Variants in ADTRP observed in about 807,000 individuals in gnomAD.
ADTRP encodes androgen dependent TFPI regulating protein.
A neutral mutation model predicts 27.0 loss-of-function variants in ADTRP; 20 were observed. That is an observed-to-expected ratio of 0.74 (90% CI 0.52 to 1.08). ADTRP has a LOEUF of 1.08. ADTRP is among the 50% of genes least tolerant of loss of function. The pLI is 0.00. For missense variants in ADTRP, 251 were observed against 275.0 expected (o/e 0.91, Z 0.62); for synonymous variants, 101 against 105.2 (o/e 0.96, Z 0.25).
intron 5 of ADTRP, 84 bp from the exon 6 acceptor site, chr6:11,714,596 A>G (rs1458601277): frequency 6.7e-7 from 1 of 1,493,268 alleles, no homozygotes; most frequent in East Asian, 2.3e-5. Flanking sequence ...ATTCACTCTG[A>G]CTTGGGGCAG....
At position 11,768,315 on chromosome 6, in the gene ADTRP, T is replaced by C. The variant is rs563964898; in HGVS notation, c.222A>G (p.Lys74=). 6.2e-7 allele frequency: 1 copy of C among 1,614,230 alleles called. No homozygotes were observed. The highest frequency in any genetic ancestry group is 1.7e-5 in the Admixed American group (1 of 60,032). ...DDVLKRTKGG[K]DIKFLTAFRD... is the part of the protein sequence containing the mutation. ...TGAAGGCAGTTAGGAACTTAATGTC[T>C]TTTCCCCCTTTGGTTCTTTTCAGCA... Residue 74 remains lysine (K), a synonymous_variant, in exon 2 of 6, where the codon AAA becomes AAG. Coordinates refer to ENST00000414691, the MANE Select transcript of ADTRP (RefSeq NM_032744.4).
chr6:11,725,950 A>G (rs1335774626), intron 4 of ADTRP, among the ~76,000 whole-genome samples: 1 of 151,708 alleles, frequency 6.6e-6, no homozygotes, highest in Non-Finnish European at 1.5e-5. Flanking sequence ...AGATATTTGT[A>G]CACCCATGTT....
chr6:11,770,059 T>G, intron 1 of ADTRP: 1 of 1,551,636 alleles, frequency 6.4e-7, no homozygotes, highest in Non-Finnish European at 8.7e-7. Context: ...CTGGTAGATG[T>G]CAAACCCAGC....
chr6:11,733,501 T>G (rs1262886518), intron 4 of ADTRP, among the ~76,000 whole-genome samples: 1 of 152,206 alleles, frequency 6.6e-6, no homozygotes, highest in Non-Finnish European at 1.5e-5. Context: ...ATTCATTCCT[T>G]GGGCCTCAGC....
intron 3 of ADTRP, among the ~76,000 whole-genome samples, chr6:11,757,835 C>T (rs1156907602): frequency 6.6e-6 from 1 of 152,222 alleles, no homozygotes; most frequent in African/African-American, 2.4e-5. Flanking sequence ...GAGTATGGCT[C>T]TGCCAGCACC....
chr6:11,755,513 C>T (rs753323500), intron 3 of ADTRP, among the ~76,000 whole-genome samples: 81 of 152,186 alleles, frequency 5.3e-4, no homozygotes, highest in African/African-American at 1.9e-3. Context: ...GTCCTCTGGA[C>T]GTGTTCACTA....
intron 1 of ADTRP, among the ~76,000 whole-genome samples, chr6:11,770,425 G>C (rs1416242376): frequency 6.6e-6 from 1 of 152,146 alleles, no homozygotes; most frequent in Admixed American, 6.5e-5. Flanking sequence ...CCCTCCTGTG[G>C]AACAAGATTG....
rs1763577903 is a variant in ADTRP, at chr6:11,766,511, T to C, written c.289-136A>G. ...ATCTTACATATACATTATAGGAATG[T>C]AGTACATATACATTACAGTAATTCT... is the stretch of plus-strand genomic sequence containing the variant. On this transcript the variant is annotated intron_variant, in intron 2 of 5. Transcript: ENST00000414691. The C allele has an allele frequency of 5.4e-6, 3 of 553,568 alleles. No individual in the cohort carries two copies. The South Asian group carries it at 6.5e-5, about 12-fold the overall frequency. The allele number at this position is 553,568 out of a possible 1,614,324, so 34.3% of individuals were successfully genotyped here. A position where few individuals can be genotyped will look rare whatever the true frequency, so the allele number is the denominator to read the frequency against.
At chr6:11,778,322 GT>G (rs770975036) in intron 1 of ADTRP, among the ~76,000 whole-genome samples, 14 of 152,070 alleles carry the variant, frequency 9.2e-5, no homozygotes, top group Non-Finnish European at 1.9e-4. Context: ...CATTAGCATG[GT>G]CCCCTCTTTG....
chr6:11,718,212 C>A (rs532100960), intron 5 of ADTRP, among the ~76,000 whole-genome samples: 1 of 152,288 alleles, frequency 6.6e-6, no homozygotes, highest in East Asian at 1.9e-4. Flanking sequence ...GGGGCCCTGA[C>A]AAAGGACAGC....
chr6:11,726,192 A>T (rs968223293), intron 4 of ADTRP, among the ~76,000 whole-genome samples: 24 of 152,246 alleles, frequency 1.6e-4, no homozygotes, highest in African/African-American at 5.8e-4. Flanking sequence ...TGTCAGATTC[A>T]TAGAGGGAGA....
At chr6:11,740,005 T>G (rs1762668945) in intron 3 of ADTRP, among the ~76,000 whole-genome samples, 2 of 152,210 alleles carry the variant, frequency 1.3e-5, no homozygotes, top group Non-Finnish European at 2.9e-5. Context: ...TCTGCTTCTT[T>G]CCTCTATTTC....
intron 3 of ADTRP, among the ~76,000 whole-genome samples, chr6:11,739,276 A>C (rs1157900467): frequency 1.3e-5 from 2 of 152,222 alleles, no homozygotes; most frequent in African/African-American, 4.8e-5. Context: ...CAAAGTAAAC[A>C]AAACATCATG....
chr6:11,736,488 C>T (rs1020322260), intron 3 of ADTRP: 1 of 152,516 alleles, frequency 6.6e-6, no homozygotes, highest in African/African-American at 2.4e-5. Context: ...CTCTCACACA[C>T]ATTCATACAT....
At chr6:11,754,609 G>A (rs1763156958) in intron 3 of ADTRP, among the ~76,000 whole-genome samples, 2 of 152,232 alleles carry the variant, frequency 1.3e-5, no homozygotes, top group Admixed American at 6.5e-5. Context: ...CAAGGACCTG[G>A]AGGTGGGAGG....
chr6:11,768,353 AGGT>A lies in ADTRP; in HGVS notation c.181_183del (p.Thr61del). The A allele has an allele frequency of 2.5e-6, 4 of 1,614,252 alleles. No individual in the cohort carries two copies. Among genetic ancestry groups the A allele is most frequent in the Non-Finnish European group, 3.4e-6 (4 of 1,180,042 alleles). ...GTTCTTTTCAGCACATCATCCAGGCAGGTGACCCCGTAGAAAATGGTCTGCAAG... is the reference window on the plus strand; with the variant it reads ...GTTCTTTTCAGCACATCATCCAGGCAGACCCCGTAGAAAATGGTCTGCAAG... On this transcript the variant is annotated inframe_deletion, in exon 2 of 6. Transcript: ENST00000414691.
chr6:11,744,193 G>A (rs1259643018), intron 3 of ADTRP, among the ~76,000 whole-genome samples: 1 of 152,112 alleles, frequency 6.6e-6, no homozygotes, highest in African/African-American at 2.4e-5. Context: ...CTTTCCATGT[G>A]ACATGACATC....
chr6:11,754,920 T>C, intron 3 of ADTRP: 1 of 667,752 alleles, frequency 1.5e-6, no homozygotes, highest in Non-Finnish European at 1.9e-6. Context: ...CTCTCGGGGA[T>C]TTTTCACGTC....
At chr6:11,775,900 G>A (rs1453283312) in intron 1 of ADTRP, among the ~76,000 whole-genome samples, 1 of 152,174 alleles carries the variant, frequency 6.6e-6, no homozygotes, top group African/African-American at 2.4e-5. Context: ...AATCAGGACT[G>A]GATACTAACT....
Sources: allele counts gnomAD v4.1 joint callset (sites outside exome capture counted in the v4.1 genomes callset), GRCh38; gene constraint gnomAD v4.1.1; transcripts MANE v1.5; gene names NCBI Gene and HGNC (gene_info 2026-07-23, HGNC 2026-07-21).